ECHDC3: variants seen among roughly 807,000 people sequenced by gnomAD.
The protein encoded by ECHDC3 is enoyl-CoA hydratase domain-containing protein 3, mitochondrial.
Under a neutral mutation model 17.9 loss-of-function variants are expected in ECHDC3, and 20 were observed. The ratio of observed to expected loss-of-function variants is 1.12; its 90% CI spans 0.79 to 1.63. The LOEUF is 1.63. ECHDC3 is among the 40% of genes most tolerant of loss of function. ECHDC3 has a pLI of 0.00. For missense variants in ECHDC3, 407 were observed against 357.7 expected (o/e 1.14, Z -1.11); for synonymous variants, 177 against 149.7 (o/e 1.18, Z -1.33).
chr10:11,744,568 A>G (rs112623624), intron 1 of ECHDC3, among the ~76,000 whole-genome samples: 1 of 151,328 alleles, frequency 6.6e-6, no homozygotes, highest in South Asian at 2.1e-4. Flanking sequence ...TCTGGTGGTG[A>G]CCTCATTCTT....
At position 11,763,599 on chromosome 10, in the gene ECHDC3, C is replaced by G. The variant is rs1206114260; in HGVS notation, c.*55C>G. On this transcript the variant is annotated 3_prime_UTR_variant, in exon 5 of 5. Coordinates refer to ENST00000379215, the MANE Select transcript of ECHDC3 (RefSeq NM_024693.5). The surrounding 1 kb of genome is among the most constrained non-coding windows in gnomAD (Gnocchi z 4.9). ...AGCGCCCAGGAGCCCACCTTCCCCTCTGGCCCAGCCACCACTGCCTCTCAG... is the reference window on the plus strand; with the variant it reads ...AGCGCCCAGGAGCCCACCTTCCCCTGTGGCCCAGCCACCACTGCCTCTCAG... 1 of 1,442,526 alleles carries G rather than the reference C, an allele frequency of 6.9e-7. No individual in the cohort carries two copies. The highest frequency in any genetic ancestry group is 1.4e-5 in the African/African-American group (1 of 70,130). The allele number at this position is 1,442,526 out of a possible 1,614,324, so 89.4% of individuals were successfully genotyped here. A position where few individuals can be genotyped will look rare whatever the true frequency, so the allele number is the denominator to read the frequency against.
intron 2 of ECHDC3, among the ~76,000 whole-genome samples, chr10:11,748,736 A>G (rs1478797967): frequency 2.6e-5 from 4 of 152,152 alleles, no homozygotes; most frequent in Non-Finnish European, 5.9e-5. Flanking sequence ...AAATACAAAA[A>G]TTAGCTGGGC....
At chr10:11,754,076 G>A (rs1832858493) in intron 3 of ECHDC3, among the ~76,000 whole-genome samples, 1 of 152,114 alleles carries the variant, frequency 6.6e-6, no homozygotes, top group African/African-American at 2.4e-5. Flanking sequence ...TCCTAGGGAA[G>A]AGAAATGTCA....
At chr10:11,751,440 G>A (rs1361573087) in intron 3 of ECHDC3, among the ~76,000 whole-genome samples, 1 of 152,190 alleles carries the variant, frequency 6.6e-6, no homozygotes, top group Non-Finnish European at 1.5e-5. Flanking sequence ...ACATTGTCTT[G>A]GATAAATATG....
rs887580995 is a variant in ECHDC3 at position 11,742,744 on chromosome 10, A to G, written c.168A>G (p.Ile56Met). 1.4e-5 allele frequency: 17 copies of G among 1,232,688 alleles called. No individual in the cohort carries two copies. The East Asian group carries it at 5.5e-4, about 40-fold the overall frequency. 76.4% of individuals were successfully genotyped at this position (1,232,688 alleles called of 1,614,324 possible). Reference protein sequence around the residue: ...RPTSARQLDGIRNIVLSNPKK... With the variant: ...RPTSARQLDGMRNIVLSNPKK... ...CCAGCGCGCGGCAGCTGGACGGCAT[A>G]AGGTCAGCCCCGGGCCGCGCGGGCT... Residue 56 changes from isoleucine to methionine, a missense_variant and splice_region_variant, in exon 1 of 5, where the codon ATA becomes ATG. Physicochemically the swap from Ile to Met is conservative, Grantham distance 10. Coordinates refer to ENST00000379215, the MANE Select transcript of ECHDC3 (RefSeq NM_024693.5).
intron 1 of ECHDC3, among the ~76,000 whole-genome samples, chr10:11,744,843 C>T (rs1301171400): frequency 6.6e-6 from 1 of 152,228 alleles, no homozygotes; most frequent in East Asian, 1.9e-4. Context: ...CCCAAAGACA[C>T]CTAGATGGAG....
chr10:11,762,276 G>T (rs1832962485), intron 4 of ECHDC3, among the ~76,000 whole-genome samples: 1 of 152,202 alleles, frequency 6.6e-6, no homozygotes, highest in African/African-American at 2.4e-5. Flanking sequence ...AGGACCAGAG[G>T]CCTGCAATGA....
At chr10:11,758,454 A>C (rs1333317188) in intron 4 of ECHDC3, among the ~76,000 whole-genome samples, 1 of 152,184 alleles carries the variant, frequency 6.6e-6, no homozygotes, top group Non-Finnish European at 1.5e-5. Flanking sequence ...TAATCAGCTA[A>C]TGAGAACAGA....
At chr10:11,746,751 C>T (rs1315611890) in intron 1 of ECHDC3, among the ~76,000 whole-genome samples, 1 of 152,184 alleles carries the variant, frequency 6.6e-6, no homozygotes, top group Non-Finnish European at 1.5e-5. Flanking sequence ...GCCTAGCCAA[C>T]ATGGTGAAAC....
intron 3 of ECHDC3, 22 bp downstream of exon 3, chr10:11,749,614 C>T (rs766730448): frequency 1.2e-6 from 2 of 1,607,496 alleles, no homozygotes; most frequent in Non-Finnish European, 1.7e-6. Flanking sequence ...CGACAGTCGA[C>T]AGTGCAAACC....
intron 3 of ECHDC3, among the ~76,000 whole-genome samples, 161 bp downstream of exon 3, chr10:11,749,753 AGCAAT>A (rs1832803410): frequency 2.6e-5 from 1 of 39,196 alleles, no homozygotes; most frequent in South Asian, 1.0e-3. Flanking sequence ...CCAGCAATCC[AGCAAT>A]TATTTGGTTT....
At chr10:11,759,799 G>C (rs563848355) in intron 4 of ECHDC3, among the ~76,000 whole-genome samples, 3 of 152,376 alleles carry the variant, frequency 2.0e-5, no homozygotes, top group Admixed American at 6.5e-5. Context: ...GCCTAGTTGT[G>C]TTAAAAAATA....
intron 4 of ECHDC3, among the ~76,000 whole-genome samples, chr10:11,762,607 C>G (rs760991941): frequency 6.6e-6 from 1 of 152,162 alleles, no homozygotes; most frequent in African/African-American, 2.4e-5. Context: ...TGGGCTCCCC[C>G]GCTCTTCACC....
chr10:11,744,942 G>A (rs1247740969), intron 1 of ECHDC3, among the ~76,000 whole-genome samples: 1 of 152,218 alleles, frequency 6.6e-6, no homozygotes, highest in African/African-American at 2.4e-5. Context: ...GAAGTTGCCT[G>A]GGAAGAGTGT....
chr10:11,749,710 A>T, intron 3 of ECHDC3, 118 bp downstream of exon 3: 1 of 737,712 alleles, frequency 1.4e-6, no homozygotes, highest in Non-Finnish European at 2.1e-6. Context: ...ACCCAGAGCA[A>T]CTGGAAACTG....
intron 3 of ECHDC3, 43 bp downstream of exon 3, chr10:11,749,635 C>T (rs1397132019): frequency 1.3e-6 from 2 of 1,585,072 alleles, no homozygotes; most frequent in Admixed American, 3.3e-5. Context: ...TGCAAATGAT[C>T]ATTACATTAA....
chr10:11,745,408 T>C (rs1832749031), intron 1 of ECHDC3, among the ~76,000 whole-genome samples: 1 of 152,202 alleles, frequency 6.6e-6, no homozygotes, highest in Non-Finnish European at 1.5e-5. Flanking sequence ...ATGGAGAGGT[T>C]TATAAGCAGT....
At chr10:11,752,256 T>A (rs1270234891) in intron 3 of ECHDC3, 1 of 145,064 alleles carries the variant, frequency 6.9e-6, no homozygotes, top group South Asian at 2.2e-4. Context: ...GGACTACAGG[T>A]ATGCACCACC....
chr10:11,761,056 C>T (rs1832944463), intron 4 of ECHDC3, among the ~76,000 whole-genome samples: 1 of 150,040 alleles, frequency 6.7e-6, no homozygotes, highest in South Asian at 2.1e-4. Context: ...GGCCCTGCAT[C>T]ACCCGTCCCT....
Sources: allele counts gnomAD v4.1 joint callset (sites outside exome capture counted in the v4.1 genomes callset), GRCh38; gene constraint gnomAD v4.1.1; non-coding constraint Gnocchi (gnomAD v3.1); transcripts MANE v1.5; gene names NCBI Gene and HGNC (gene_info 2026-07-23, HGNC 2026-07-21).